CDC42SE2: variants seen among roughly 807,000 people sequenced by gnomAD.
CDC42SE2 encodes CDC42 small effector 2.
Under a neutral mutation model 11.5 loss-of-function variants are expected in CDC42SE2, and 3 were observed. The ratio of observed to expected loss-of-function variants is 0.26; its 90% confidence interval spans 0.12 to 0.67. CDC42SE2 has a LOEUF of 0.67. CDC42SE2 is among the 30% of genes least tolerant of loss of function. CDC42SE2 has a pLI of 0.80. For synonymous variants in CDC42SE2, 33 were observed against 34.8 expected, an observed-to-expected ratio of 0.95 and a Z score of 0.18; for missense variants, 82 against 106.8, an observed-to-expected ratio of 0.77 and a Z score of 1.02.
At chr5:131,217,720 A>T in the CDC42SE2 span, among the ~76,000 whole-genome samples, 8 of 152,340 alleles carry the variant, frequency 5.3e-5, no homozygotes, top group East Asian at 1.5e-3. Context: ...AAAATTGATC[A>T]GTTGAACTAC....
chr5:131,292,906 C>CAAAAAAAAAAAAAAAAAAAAAAAA (rs869300653), intron 1 of CDC42SE2, among the ~76,000 whole-genome samples: 1 of 58,898 alleles, frequency 1.7e-5, no homozygotes, highest in African/African-American at 1.0e-4. Flanking sequence ...GACCCTGTCT[C>CAAAAAAAAAAAAAAAAAAAAAAAA]AAAAAAAAAA....
intron 1 of CDC42SE2, among the ~76,000 whole-genome samples, chr5:131,313,704 T>A (rs1231330843): frequency 6.6e-6 from 1 of 152,230 alleles, no homozygotes. Flanking sequence ...TAGTACAGTG[T>A]TTTTGTAGCT....
intron 2 of CDC42SE2, among the ~76,000 whole-genome samples, chr5:131,338,353 A>G (rs1214429314): frequency 6.6e-6 from 1 of 152,074 alleles, no homozygotes; most frequent in Non-Finnish European, 1.5e-5. Context: ...GGCGGTCCCA[A>G]CTCTAGTTTT....
At chr5:131,261,027 T>A (rs979767749), upstream of CDC42SE2, among the ~76,000 whole-genome samples, 3 of 152,398 alleles carry the variant, frequency 2.0e-5, no homozygotes, top group African/African-American at 7.2e-5. Flanking sequence ...AAGTAAAAGA[T>A]TGCAGAATCA....
intron 1 of CDC42SE2, among the ~76,000 whole-genome samples, chr5:131,302,549 C>T (rs1757706220): frequency 6.6e-6 from 1 of 152,136 alleles, no homozygotes; most frequent in Non-Finnish European, 1.5e-5. Context: ...CTCCTGACCT[C>T]AAGTGATCCA....
At chr5:131,299,825 C>T (rs1409247553) in intron 1 of CDC42SE2, among the ~76,000 whole-genome samples, 1 of 152,114 alleles carries the variant, frequency 6.6e-6, no homozygotes, top group Non-Finnish European at 1.5e-5. Flanking sequence ...CCCTTAAGAA[C>T]TATTAATGTA....
rs142378637 is a variant in CDC42SE2 at position 131,356,098 on chromosome 5, C to T, written c.-285-3111C>T. Among the ~76,000 whole-genome samples the T allele has an allele frequency of 9.0e-3, 1,370 of 152,172 alleles. 23 individuals are homozygous for T. The highest frequency in any genetic ancestry group is 0.032 in the African/African-American group (1,310 of 41,514). ...CCCTTCCCTTTCTAAAATCTTATGT[C>T]TTATGAATCTATGAGGTTGTTAAAA... is the stretch of plus-strand genomic sequence containing the variant. On this transcript the variant is annotated intron_variant, in intron 2 of 4. Coordinates refer to ENST00000505065, the MANE Select transcript of CDC42SE2 (RefSeq NM_001375635.1).
the CDC42SE2 span, among the ~76,000 whole-genome samples, chr5:131,224,765 C>CT: frequency 6.6e-6 from 1 of 151,952 alleles, no homozygotes; most frequent in Non-Finnish European, 1.5e-5. Flanking sequence ...AACATTGCCT[C>CT]TTTTAAGAGT....
At chr5:131,265,688 A>G (rs988059482) in intron 1 of CDC42SE2, among the ~76,000 whole-genome samples, 2 of 152,244 alleles carry the variant, frequency 1.3e-5, no homozygotes, top group Non-Finnish European at 2.9e-5. Context: ...AATTCATAAC[A>G]GCCTTTAAAG....
chr5:131,252,204 G>A (rs1756646095), intron 1 of CDC42SE2, among the ~76,000 whole-genome samples: 1 of 152,120 alleles, frequency 6.6e-6, no homozygotes, highest in Non-Finnish European at 1.5e-5. Flanking sequence ...TTAAAGTAAA[G>A]CAAGACTATT....
chr5:131,261,913 CT>C (rs780842618), upstream of CDC42SE2, among the ~76,000 whole-genome samples: 1,419 of 134,360 alleles, frequency 0.011, 9 homozygotes, highest in African/African-American at 0.024. Context: ...CCTTAATTGA[CT>C]TTTTTTTTTT....
chr5:131,231,102 T>C, the CDC42SE2 span, among the ~76,000 whole-genome samples: 1 of 152,240 alleles, frequency 6.6e-6, no homozygotes, highest in African/African-American at 2.4e-5. Flanking sequence ...TGTCTTTGTG[T>C]AATTTTGTAT....
intron 1 of CDC42SE2, among the ~76,000 whole-genome samples, chr5:131,309,499 T>A (rs1473454000): frequency 3.4e-4 from 52 of 151,496 alleles, no homozygotes; most frequent in Non-Finnish European, 1.5e-5. Flanking sequence ...TTCTATTGAT[T>A]GGAATAGTTT....
At chr5:131,216,272 G>A in the CDC42SE2 span, among the ~76,000 whole-genome samples, 1 of 152,094 alleles carries the variant, frequency 6.6e-6, no homozygotes, top group Non-Finnish European at 1.5e-5. Context: ...AGAGGTGAGT[G>A]GACCACTTGA....
intron 1 of CDC42SE2, among the ~76,000 whole-genome samples, chr5:131,312,467 C>T (rs1757942787): frequency 6.6e-6 from 1 of 152,168 alleles, no homozygotes; most frequent in Non-Finnish European, 1.5e-5. Flanking sequence ...GTGGGCTCCA[C>T]CCAGTTTGAG....
intron 2 of CDC42SE2, among the ~76,000 whole-genome samples, chr5:131,349,156 T>C (rs1277571448): frequency 6.6e-6 from 1 of 151,672 alleles, no homozygotes; most frequent in Non-Finnish European, 1.5e-5. Flanking sequence ...TAATCTAACT[T>C]TGCAGCCATA....
intron 3 of CDC42SE2, among the ~76,000 whole-genome samples, chr5:131,377,438 G>A (rs902898765): frequency 2.0e-5 from 3 of 152,180 alleles, no homozygotes; most frequent in African/African-American, 4.8e-5. Context: ...CAAAGTGCTA[G>A]GCTTACAGGC....
upstream of CDC42SE2, among the ~76,000 whole-genome samples, chr5:131,263,394 T>C (rs964359951): frequency 1.3e-5 from 2 of 152,208 alleles, no homozygotes; most frequent in African/African-American, 4.8e-5. Flanking sequence ...TGCTGGCTGC[T>C]AGATAGGGCA....
intron 2 of CDC42SE2, among the ~76,000 whole-genome samples, chr5:131,327,389 T>TA (rs1758320837): frequency 1.3e-5 from 2 of 152,204 alleles, no homozygotes; most frequent in African/African-American, 2.4e-5. Flanking sequence ...TGACTACTTT[T>TA]ACTTTCTTTA....
Sources: gnomAD v4.1 joint callset for allele counts (sites outside exome capture counted in the v4.1 genomes callset) on GRCh38, gnomAD v4.1.1 for gene constraint, MANE v1.5 for transcripts, NCBI Gene and HGNC (gene_info 2026-07-23, HGNC 2026-07-21) for gene names.